Variants in ARHGEF10L observed in about 807,000 individuals in gnomAD.
The protein encoded by ARHGEF10L is Rho guanine nucleotide exchange factor 10 like, also known as rho guanine nucleotide exchange factor 10-like protein.
ARHGEF10L carries 69 observed loss-of-function variants against 141.2 expected under a neutral mutation model. That is an observed-to-expected ratio of 0.49 (90% CI 0.40 to 0.60). ARHGEF10L has a LOEUF of 0.60. Among genes scored for constraint, ARHGEF10L ranks in the 20% least tolerant of loss-of-function variants. The pLI is 0.00. For missense variants in ARHGEF10L, 1,482 were observed against 1,734.3 expected (o/e 0.85, Z 2.58); for synonymous variants, 711 against 718.5 (o/e 0.99, Z 0.17).
intron 1 of ARHGEF10L, among the ~76,000 whole-genome samples, chr1:17,561,484 C>A (rs1004488906): frequency 6.6e-6 from 1 of 152,208 alleles, no homozygotes; most frequent in Admixed American, 6.5e-5. Context: ...CTCTGCAGTT[C>A]TGAGTGCCTT....
rs1334775575 is a variant in ARHGEF10L, at chr1:17,567,735, G to A, written c.-43-12818G>A. On this transcript the variant is annotated intron_variant, in intron 1 of 28. Coordinates refer to ENST00000361221, the MANE Select transcript of ARHGEF10L (RefSeq NM_018125.4). ...AGTTCCCGGGGCTGATTCTCCAGCC[G>A]GCGTGCTTTGCTTGAAGGGTCCATG... is the stretch of plus-strand genomic sequence containing the variant. Among the ~76,000 whole-genome samples, 3 of 152,118 alleles carry A rather than the reference G, an allele frequency of 2.0e-5. No homozygotes were observed. In the East Asian group the frequency reaches 5.8e-4, roughly 29 times the overall value.
chr1:17,602,308 C>T (rs1012527060), intron 5 of ARHGEF10L, 90 bp downstream of exon 5: 1 of 1,429,098 alleles, frequency 7.0e-7, no homozygotes, highest in Non-Finnish European at 9.6e-7. Context: ...GATGTGGGCT[C>T]CTGTGAGCCC....
intron 4 of ARHGEF10L, among the ~76,000 whole-genome samples, chr1:17,598,821 A>G (rs951794837): frequency 5.3e-5 from 8 of 151,962 alleles, no homozygotes; most frequent in Non-Finnish European, 1.0e-4. Flanking sequence ...GATCTGAGGT[A>G]ACCATATGCC....
intron 25 of ARHGEF10L, among the ~76,000 whole-genome samples, chr1:17,659,818 G>A (rs895594536): frequency 1.4e-4 from 22 of 152,336 alleles, no homozygotes; most frequent in Non-Finnish European, 2.5e-4. Context: ...AGAAGGACAG[G>A]ACCAGACACA....
At chr1:17,534,229 TCTC>T in the ARHGEF10L span, among the ~76,000 whole-genome samples, 1 of 151,912 alleles carries the variant, frequency 6.6e-6, no homozygotes, top group Non-Finnish European at 1.5e-5. Flanking sequence ...TTCACGCCAT[TCTC>T]CTGCCTCAGC....
chr1:17,664,027 C>G (rs190204699), intron 25 of ARHGEF10L, among the ~76,000 whole-genome samples: 1 of 152,304 alleles, frequency 6.6e-6, no homozygotes, highest in African/African-American at 2.4e-5. Context: ...GTTGATTAAC[C>G]TGTTGGTTGC....
intron 25 of ARHGEF10L, among the ~76,000 whole-genome samples, chr1:17,663,120 C>A (rs1298917856): frequency 6.6e-6 from 1 of 152,126 alleles, no homozygotes; most frequent in Non-Finnish European, 1.5e-5. Flanking sequence ...ACAATCTTGG[C>A]GCGCGCCGCT....
intron 26 of ARHGEF10L, 111 bp downstream of exon 26, chr1:17,664,706 C>T (rs1557976140): frequency 2.5e-5 from 33 of 1,327,970 alleles, no homozygotes; most frequent in Non-Finnish European, 3.3e-5. Flanking sequence ...TTCCAAGGAT[C>T]GATTGGGCAG....
intron 4 of ARHGEF10L, 55 bp from the exon 5 acceptor site, chr1:17,602,072 G>A: frequency 6.9e-7 from 1 of 1,450,600 alleles, no homozygotes; most frequent in African/African-American, 1.4e-5. Flanking sequence ...GGGGCTGCCA[G>A]AGGCTTCTGG....
intron 1 of ARHGEF10L, among the ~76,000 whole-genome samples, chr1:17,572,695 G>A (rs749984130): frequency 5.9e-5 from 9 of 152,158 alleles, no homozygotes; most frequent in African/African-American, 9.6e-5. Context: ...ACAGGAACCC[G>A]GAACTCTCTT....
chr1:17,534,701 T>C (rs2076549379), upstream of ARHGEF10L, among the ~76,000 whole-genome samples: 1 of 151,816 alleles, frequency 6.6e-6, no homozygotes, highest in African/African-American at 2.4e-5. Context: ...GTGATTCTCC[T>C]GCCTCAGCCT....
rs149980156 is a variant in ARHGEF10L, at chr1:17,655,951, G to T, written c.2554G>T (p.Val852Phe). The stretch of plus-strand genomic sequence containing the variant: ...CTTGAACCGGCCCTCGCCCCGCACC[G>T]TCAAGTCCTTCCCACTGGCAGCCCC... ...FSLNRPSPRT[V>F]KSFPLAAPVL... Residue 852 changes from valine to phenylalanine, a missense_variant, in exon 24 of 29, where the codon GTC (valine) becomes TTC (phenylalanine). This residue lies in a region of ARHGEF10L where 858 missense variants were observed against 966.3 expected (regional missense o/e 0.89). Coordinates refer to ENST00000361221, the MANE Select transcript of ARHGEF10L (RefSeq NM_018125.4). The T allele has an allele frequency of 6.4e-7, 1 of 1,561,382 alleles. No homozygotes were observed. Among genetic ancestry groups the T allele is most frequent in the East Asian group, 2.4e-5 (1 of 42,078 alleles).
intron 26 of ARHGEF10L, among the ~76,000 whole-genome samples, chr1:17,672,554 C>T (rs78380807): frequency 2.6e-5 from 4 of 152,214 alleles, no homozygotes; most frequent in East Asian, 1.9e-4. Flanking sequence ...CGGCTCTGCT[C>T]GGCAGTTTGT....
At chr1:17,569,249 G>T (rs2257142) in intron 1 of ARHGEF10L, among the ~76,000 whole-genome samples, 38,922 of 152,048 alleles carry the variant, frequency 0.26, 5,537 homozygotes, top group African/African-American at 0.38. Flanking sequence ...GCCAACTCCC[G>T]CCAGAGGTGC....
At chr1:17,521,245 A>G in the ARHGEF10L span, among the ~76,000 whole-genome samples, 3 of 152,096 alleles carry the variant, frequency 2.0e-5, no homozygotes, top group African/African-American at 7.2e-5. Flanking sequence ...TGCCCAGGCT[A>G]GAGTGCAATG....
intron 15 of ARHGEF10L, 83 bp from the exon 16 acceptor site, chr1:17,632,238 A>G (rs1266069592): frequency 6.4e-7 from 1 of 1,564,318 alleles, no homozygotes; most frequent in African/African-American, 1.3e-5. Context: ...CCCTTTCTGC[A>G]CCATGGGAGG....
chr1:17,592,051 T>C (rs1291185337), intron 4 of ARHGEF10L, among the ~76,000 whole-genome samples: 1 of 152,192 alleles, frequency 6.6e-6, no homozygotes, highest in African/African-American at 2.4e-5. Flanking sequence ...CTTCTCCTGG[T>C]GGACTCTGAA....
intron 22 of ARHGEF10L, among the ~76,000 whole-genome samples, chr1:17,652,621 C>G (rs1401679302): frequency 6.6e-6 from 1 of 152,150 alleles, no homozygotes; most frequent in East Asian, 1.9e-4. Flanking sequence ...GAACGCCTGA[C>G]TACTACGGTG....
At chr1:17,648,417 G>A in intron 21 of ARHGEF10L, 137 bp from the exon 22 acceptor site, 1 of 1,092,062 alleles carries the variant, frequency 9.2e-7, no homozygotes, top group Middle Eastern at 3.1e-4. Context: ...AGTCCGGCAG[G>A]AGTAGGGTGG....
Sources: gnomAD v4.1 joint callset for allele counts (sites outside exome capture counted in the v4.1 genomes callset) on GRCh38, gnomAD v4.1.1 for gene constraint, gnomAD v4.1.1 regional missense constraint, MANE v1.5 for transcripts, NCBI Gene and HGNC (gene_info 2026-07-23, HGNC 2026-07-21) for gene names.